The following SPAG16 variants were observed in gnomAD, a reference collection of about 807,000 sequenced individuals.
SPAG16 encodes the protein sperm associated antigen 16.
Under a neutral mutation model 80.4 loss-of-function variants are expected in SPAG16, and 86 were observed. The observed-to-expected ratio is 1.07, with a 90% CI of 0.90 to 1.28. The LOEUF is 1.28. SPAG16 is among the 50% of genes most tolerant of loss of function. The probability of loss-of-function intolerance (pLI) is 0.00; values close to 1 mark genes in which losing one functional copy is unlikely to be tolerated. For missense variants in SPAG16, 870 were observed against 765.3 expected, an observed-to-expected ratio of 1.14 and a Z score of -1.61; for synonymous variants, 294 against 265.9, an observed-to-expected ratio of 1.11 and a Z score of -1.03.
intron 15 of SPAG16, among the ~76,000 whole-genome samples, chr2:214,344,944 A>AT (rs538410327): frequency 4.2e-4 from 64 of 151,982 alleles, no homozygotes; most frequent in African/African-American, 1.4e-3. Flanking sequence ...ATGAATGAGT[A>AT]TTTTTTTTCC....
At chr2:214,069,440 C>G (rs2050683744) in intron 13 of SPAG16, among the ~76,000 whole-genome samples, 1 of 152,142 alleles carries the variant, frequency 6.6e-6, no homozygotes. Flanking sequence ...CAGATAGCAT[C>G]TAAGGAGATT....
At chr2:213,605,837 A>C (rs926781323) in intron 10 of SPAG16, among the ~76,000 whole-genome samples, 1 of 152,200 alleles carries the variant, frequency 6.6e-6, no homozygotes, top group Admixed American at 6.5e-5. Flanking sequence ...TTACATATAC[A>C]TAGTAAAGTA....
Position 214,175,192 on chromosome 2 carries a change from A to C in SPAG16, c.1720+25926A>C, listed in dbSNP as rs142471769. On this transcript the variant is annotated intron_variant, in intron 15 of 15. Coordinates refer to ENST00000331683, the MANE Select transcript of SPAG16 (RefSeq NM_024532.5). The stretch of plus-strand genomic sequence containing the variant: ...AGGTTAAATTGAGGAACCAGGAATA[A>C]AGAAATATATATATATATAAAGAAA... 3.3e-3 allele frequency among the ~76,000 whole-genome samples: 466 copies of C among 140,428 alleles called. 1 individual carries two copies. Among genetic ancestry groups the C allele is most frequent in the African/African-American group, 0.011 (425 of 37,186 alleles). The allele number at this position is 140,428 out of a possible 152,430, so 92.1% of individuals were successfully genotyped here. A position where few individuals can be genotyped will look rare whatever the true frequency, so the allele number is the denominator to read the frequency against.
chr2:214,133,220 G>T (rs189452810), intron 14 of SPAG16, among the ~76,000 whole-genome samples: 1 of 151,856 alleles, frequency 6.6e-6, no homozygotes, highest in Non-Finnish European at 1.5e-5. Context: ...GGGCTATTTC[G>T]TGCATTATAA....
chr2:214,383,594 A>G (rs1700584749), intron 15 of SPAG16, among the ~76,000 whole-genome samples: 1 of 152,024 alleles, frequency 6.6e-6, no homozygotes, highest in South Asian at 2.1e-4. Context: ...AAAGAAAAAA[A>G]AAGACATATT....
chr2:213,656,318 C>T (rs570691307), intron 10 of SPAG16, among the ~76,000 whole-genome samples: 1 of 152,322 alleles, frequency 6.6e-6, no homozygotes, highest in African/African-American at 2.4e-5. Flanking sequence ...CTGCAGGCGC[C>T]TGCCACCACG....
chr2:214,225,320 T>A (rs1371487941), intron 15 of SPAG16, among the ~76,000 whole-genome samples: 2 of 152,092 alleles, frequency 1.3e-5, no homozygotes, highest in African/African-American at 2.4e-5. Context: ...CAGTCTTACA[T>A]TTTAGAAGAA....
chr2:214,213,450 C>G (rs1387581693), intron 15 of SPAG16, among the ~76,000 whole-genome samples: 3 of 152,150 alleles, frequency 2.0e-5, no homozygotes, highest in African/African-American at 7.2e-5. Flanking sequence ...GTGTCAAGGC[C>G]AGGGTCAGAG....
At chr2:213,847,062 C>T (rs2074667071) in intron 10 of SPAG16, among the ~76,000 whole-genome samples, 1 of 152,116 alleles carries the variant, frequency 6.6e-6, no homozygotes, top group African/African-American at 2.4e-5. Context: ...TGACTCTTGC[C>T]AACATTCCTT....
At chr2:213,333,224 C>A (rs188155390) in intron 5 of SPAG16, among the ~76,000 whole-genome samples, 67 of 151,976 alleles carry the variant, frequency 4.4e-4, no homozygotes, top group Admixed American at 1.0e-3. Flanking sequence ...AGTGAATAAT[C>A]TGAAAAAGAA....
chr2:213,704,335 C>T (rs972116223), intron 10 of SPAG16, among the ~76,000 whole-genome samples: 2 of 152,146 alleles, frequency 1.3e-5, no homozygotes, highest in African/African-American at 4.8e-5. Flanking sequence ...TCAGGCTTTA[C>T]AGGCACTACA....
At chr2:214,098,873 A>C (rs1047240322) in intron 13 of SPAG16, among the ~76,000 whole-genome samples, 3 of 152,002 alleles carry the variant, frequency 2.0e-5, no homozygotes, top group African/African-American at 7.2e-5. Context: ...GAGTTGGTTG[A>C]AGTCAGTTTT....
chr2:213,724,780 AAAAAAAAAAAAAAAAAAAAAAG>A (rs1177389706), intron 10 of SPAG16, among the ~76,000 whole-genome samples: 1 of 107,752 alleles, frequency 9.3e-6, no homozygotes, highest in East Asian at 3.8e-4. Context: ...CTGTCTCAAA[AAAAAAAAAAAAAAAAAAAAAAG>A]AAAAAAGGAT....
Position 213,284,561 on chromosome 2 carries a change from CG to C in SPAG16, c.82del (p.Asp28ThrfsTer22). ...CGTTGGGCATGGGTTTGACGGCAGCCGGGGACGCGAGGGACACGGCGGACGC... is the reference window on the plus strand; with the variant it reads ...CGTTGGGCATGGGTTTGACGGCAGCCGGGACGCGAGGGACACGGCGGACGC... ...EALGMGLTAA[G>X]DARDTADAVA... is the part of the protein sequence containing the mutation. On this transcript the variant is annotated frameshift_variant, in exon 1 of 16. Coordinates refer to ENST00000331683, the MANE Select transcript of SPAG16 (RefSeq NM_024532.5). LOFTEE classifies it high-confidence loss of function. The C allele has an allele frequency of 1.2e-6, 2 of 1,607,910 alleles. No individual in the cohort carries two copies.
rs770086186 is a variant in SPAG16, at chr2:214,149,159, G to A, written c.1613G>A (p.Cys538Tyr). The A allele has an allele frequency of 1.3e-5, 20 of 1,582,266 alleles. No individual in the cohort carries two copies. In the South Asian group the frequency reaches 2.1e-4, roughly 17 times the overall value. The change falls in exon 15 of 16, where the codon TGT (cysteine) becomes TAT (tyrosine). Residue 538 changes from cysteine (C) to tyrosine (Y), a missense_variant. Coordinates refer to ENST00000331683, the MANE Select transcript of SPAG16 (RefSeq NM_024532.5). ...TTGAAGGGTCACATGATAGCATCCT[G>A]TGATGCCTGTGGGGTTACAAAGCTG... The part of the protein sequence containing the change: ...FDPRGHMIAS[C>Y]DACGVTKLWD...
intron 13 of SPAG16, among the ~76,000 whole-genome samples, chr2:214,092,540 T>C (rs1446784270): frequency 6.6e-6 from 1 of 151,522 alleles, no homozygotes; most frequent in Non-Finnish European, 1.5e-5. Flanking sequence ...TATCTGTTTA[T>C]CTGTCATCTG....
At chr2:213,720,456 T>G in intron 10 of SPAG16, among the ~76,000 whole-genome samples, 1 of 121,360 alleles carries the variant, frequency 8.2e-6, no homozygotes. Flanking sequence ...TGAAACCCCA[T>G]CTCTACTAAA....
intron 10 of SPAG16, among the ~76,000 whole-genome samples, chr2:213,672,217 G>A (rs574490759): frequency 2.0e-5 from 3 of 151,622 alleles, no homozygotes; most frequent in Non-Finnish European, 4.4e-5. Flanking sequence ...CTTTCCAGGG[G>A]CCTAGTACTA....
At chr2:214,224,850 G>C (rs947004829) in intron 15 of SPAG16, among the ~76,000 whole-genome samples, 2 of 152,136 alleles carry the variant, frequency 1.3e-5, no homozygotes, top group Non-Finnish European at 2.9e-5. Flanking sequence ...GAGTAGAACT[G>C]TCCCTGACCT....
Sources: allele counts gnomAD v4.1 joint callset (sites outside exome capture counted in the v4.1 genomes callset), GRCh38; gene constraint gnomAD v4.1.1; transcripts MANE v1.5; gene names NCBI Gene and HGNC (gene_info 2026-07-23, HGNC 2026-07-21).